ESRRG: variants seen among roughly 807,000 people sequenced by gnomAD.
ESRRG encodes the protein estrogen related receptor gamma.
ESRRG carries 13 observed loss-of-function variants against 44.0 expected under a neutral mutation model. The observed-to-expected ratio is 0.30, with a 90% CI of 0.19 to 0.47. ESRRG has a LOEUF of 0.47. ESRRG is among the 20% of genes least tolerant of loss of function. The pLI is 1.00. For missense variants in ESRRG, 395 were observed against 580.6 expected (o/e 0.68, Z 3.29); for synonymous variants, 215 against 214.6 (o/e 1.00, Z -0.02).
chr1:216,578,121 T>C (rs1047070944), intron 3 of ESRRG, among the ~76,000 whole-genome samples: 2 of 152,118 alleles, frequency 1.3e-5, no homozygotes, highest in Non-Finnish European at 2.9e-5. Context: ...ATAACGAATA[T>C]GGTATATGTT....
intron 3 of ESRRG, among the ~76,000 whole-genome samples, chr1:216,642,691 G>T (rs983644437): frequency 3.9e-5 from 6 of 152,062 alleles, no homozygotes; most frequent in Non-Finnish European, 7.4e-5. Context: ...TACCATTAAA[G>T]CTTTCTCCGT....
At chr1:217,036,292 C>T (rs1057019563) in intron 1 of ESRRG, among the ~76,000 whole-genome samples, 5 of 152,030 alleles carry the variant, frequency 3.3e-5, no homozygotes, top group African/African-American at 1.2e-4. Flanking sequence ...ACTATTTGAC[C>T]CAGCAATCCC....
intron 2 of ESRRG, among the ~76,000 whole-genome samples, chr1:216,890,065 G>T (rs2057562385): frequency 6.6e-6 from 1 of 152,064 alleles, no homozygotes; most frequent in Admixed American, 6.6e-5. Flanking sequence ...AGGAGTTCAA[G>T]ACCAGCTTGG....
chr1:217,090,617 G>A (rs2092327193), upstream of ESRRG: 1 of 152,128 alleles, frequency 6.6e-6, no homozygotes, highest in South Asian at 2.1e-4. Flanking sequence ...AAATGGGGAG[G>A]GGTCAGGGAA....
intron 1 of ESRRG, among the ~76,000 whole-genome samples, chr1:217,061,458 CA>C (rs1470523147): frequency 6.6e-6 from 1 of 152,100 alleles, no homozygotes; most frequent in Non-Finnish European, 1.5e-5. Context: ...GCTTCCAATT[CA>C]AAGGATATAA....
chr1:216,966,452 T>C (rs921568047), intron 1 of ESRRG, among the ~76,000 whole-genome samples: 2 of 152,120 alleles, frequency 1.3e-5, no homozygotes, highest in Non-Finnish European at 2.9e-5. Flanking sequence ...GCTCAACCTC[T>C]AGGAGTAATC....
Position 216,676,623 on chromosome 1 carries a change from G to A in ESRRG, c.472+453C>T, listed in dbSNP as rs114111553. Among the ~76,000 whole-genome samples, 1,243 of 152,266 alleles carry A rather than the reference G, an allele frequency of 8.2e-3. 12 individuals carry two copies. Among genetic ancestry groups the A allele is most frequent in the Middle Eastern group, 0.017 (5 of 294 alleles). The stretch of plus-strand genomic sequence containing the variant: ...AATGAATCAGAAATTCTGGAGGTAG[G>A]ACCCAGGAATCTGCATTTTAACAAG... On this transcript the variant is annotated intron_variant, in intron 2 of 6. Transcript: ENST00000408911.
At chr1:216,707,256 CA>C in intron 1 of ESRRG, 1 of 1,251,830 alleles carries the variant, frequency 8.0e-7, no homozygotes, top group Admixed American at 2.6e-5. Context: ...TTTCATTAAT[CA>C]GTCTAAAAAA....
At chr1:216,949,120 T>C (rs1447214293) in intron 1 of ESRRG, among the ~76,000 whole-genome samples, 1 of 152,180 alleles carries the variant, frequency 6.6e-6, no homozygotes, top group Non-Finnish European at 1.5e-5. Flanking sequence ...TTATGTTTCC[T>C]GTTTTAACTG....
intron 5 of ESRRG, among the ~76,000 whole-genome samples, chr1:216,525,138 A>G (rs980674747): frequency 1.3e-5 from 2 of 152,212 alleles, no homozygotes; most frequent in Admixed American, 1.3e-4. Context: ...AGCTAAGAAA[A>G]AATATTTCAA....
At chr1:216,654,574 A>G (rs891366803) in intron 2 of ESRRG, among the ~76,000 whole-genome samples, 2 of 151,184 alleles carry the variant, frequency 1.3e-5, no homozygotes, top group Non-Finnish European at 2.9e-5. Flanking sequence ...GGCTGCAGTG[A>G]GCTGAGATCG....
intron 1 of ESRRG, among the ~76,000 whole-genome samples, chr1:217,111,600 A>G (rs2092662164): frequency 6.6e-6 from 1 of 152,194 alleles, no homozygotes; most frequent in South Asian, 2.1e-4. Flanking sequence ...TTCAAGGCAG[A>G]AGTTTTTTTT....
intron 2 of ESRRG, among the ~76,000 whole-genome samples, chr1:216,851,105 T>G (rs2095836431): frequency 6.6e-6 from 1 of 151,148 alleles, no homozygotes; most frequent in Admixed American, 6.6e-5. Flanking sequence ...CTATACTACC[T>G]ATCAGATATC....
intron 1 of ESRRG, among the ~76,000 whole-genome samples, chr1:216,699,123 T>C (rs947960397): frequency 3.9e-5 from 6 of 152,210 alleles, no homozygotes; most frequent in Non-Finnish European, 8.8e-5. Flanking sequence ...ATTTAAACTA[T>C]AGAGCTACTA....
At chr1:216,978,271 T>C (rs2073333929) in intron 1 of ESRRG, among the ~76,000 whole-genome samples, 1 of 152,182 alleles carries the variant, frequency 6.6e-6, no homozygotes, top group Admixed American at 6.6e-5. Context: ...TACTCATTCA[T>C]TTCCATATTG....
At chr1:216,817,911 T>C (rs2095189082) in intron 2 of ESRRG, among the ~76,000 whole-genome samples, 2 of 148,026 alleles carry the variant, frequency 1.4e-5, no homozygotes, top group Admixed American at 6.8e-5. Flanking sequence ...CTAATCCATA[T>C]GCAATTCTTC....
chr1:216,803,996 G>A (rs536531492), intron 2 of ESRRG, among the ~76,000 whole-genome samples: 5 of 149,078 alleles, frequency 3.4e-5, no homozygotes, highest in African/African-American at 1.2e-4. Context: ...CCCTCCATCT[G>A]CCCTCCCTTT....
At chr1:216,833,000 A>G (rs547582654) in intron 2 of ESRRG, among the ~76,000 whole-genome samples, 3 of 149,902 alleles carry the variant, frequency 2.0e-5, no homozygotes, top group South Asian at 4.2e-4. Context: ...CTCTACTGCC[A>G]TCATGCTTTG....
intron 3 of ESRRG, among the ~76,000 whole-genome samples, chr1:216,629,102 C>T (rs1283810156): frequency 6.6e-6 from 1 of 152,198 alleles, no homozygotes; most frequent in Non-Finnish European, 1.5e-5. Flanking sequence ...CCACTTTGTC[C>T]TATACCCCAC....
Sources: gnomAD v4.1 joint callset for allele counts (sites outside exome capture counted in the v4.1 genomes callset) on GRCh38, gnomAD v4.1.1 for gene constraint, MANE v1.5 for transcripts, NCBI Gene and HGNC (gene_info 2026-07-23, HGNC 2026-07-21) for gene names.